PPP2R2C: variants seen among roughly 807,000 people sequenced by gnomAD.
The protein encoded by PPP2R2C is protein phosphatase 2 regulatory subunit Bgamma.
Under a neutral mutation model 45.3 loss-of-function variants are expected in PPP2R2C, and 10 were observed. That is an observed-to-expected ratio of 0.22 (90% CI 0.14 to 0.37). PPP2R2C has a LOEUF of 0.37. Ranked by LOEUF, PPP2R2C falls within the 10% of genes least tolerant of loss-of-function variation. The pLI, the probability that PPP2R2C is intolerant of heterozygous loss-of-function variation, is 1.00. For synonymous variants in PPP2R2C, 257 were observed against 245.4 expected (o/e 1.05, Z -0.44); for missense variants, 308 against 619.7 (o/e 0.50, Z 5.34).
At chr4:6,342,145 C>CAT (rs537083589) in intron 6 of PPP2R2C, among the ~76,000 whole-genome samples, 145 of 149,652 alleles carry the variant, frequency 9.7e-4, no homozygotes, top group South Asian at 5.1e-3. Flanking sequence ...TATATACATA[C>CAT]ATATATATAT....
intron 5 of PPP2R2C, among the ~76,000 whole-genome samples, chr4:6,363,239 G>C (rs887570538): frequency 3.3e-5 from 5 of 152,140 alleles, no homozygotes; most frequent in African/African-American, 1.2e-4. Flanking sequence ...CTCTCTTCTG[G>C]GGAGGGGAGA....
In PPP2R2C at chr4:6,345,154, C is replaced by T. The variant is rs1012352821; in HGVS notation, c.790+2692G>A. Among the ~76,000 whole-genome samples, 2 of 152,226 alleles carry T rather than the reference C, an allele frequency of 1.3e-5. No homozygotes were observed. Among genetic ancestry groups the T allele is most frequent in the African/African-American group, 4.8e-5 (2 of 41,454 alleles). On this transcript the variant is annotated intron_variant, in intron 6 of 8. Transcript: ENST00000382599. The surrounding 1 kb of genome is among the most constrained non-coding windows in gnomAD (Gnocchi z 5.3). Reference sequence around the variant, plus strand: ...AGGGTGCCAATGAAGCCCCATCCTCCTTCCCACAGGGCTCACACGGGGTCA... The same window carrying T: ...AGGGTGCCAATGAAGCCCCATCCTCTTTCCCACAGGGCTCACACGGGGTCA...
At chr4:6,512,280 G>A in intron 2 of PPP2R2C, among the ~76,000 whole-genome samples, 1 of 124,974 alleles carries the variant, frequency 8.0e-6, no homozygotes. Flanking sequence ...TGGTGGGGGT[G>A]GTGGTGATGG....
At position 6,345,727 on chromosome 4, in the gene PPP2R2C, G is replaced by A. The variant is rs544428548; in HGVS notation, c.790+2119C>T. On this transcript the variant is annotated intron_variant, in intron 6 of 8. Coordinates refer to ENST00000382599, the MANE Select transcript of PPP2R2C (RefSeq NM_020416.4). The surrounding 1 kb of genome is among the most constrained non-coding windows in gnomAD (Gnocchi z 5.3). ...GCCAGTGAGCTGGCTGTGGGACTGC[G>A]GACTGAGACTATACATATGCCCTGT... Among the ~76,000 whole-genome samples, 8 of 152,024 alleles carry A rather than the reference G, an allele frequency of 5.3e-5. No homozygotes were observed. The highest frequency in any genetic ancestry group is 9.7e-5 in the African/African-American group (4 of 41,362).
In PPP2R2C at chr4:6,349,438, C is replaced by G. The variant is rs1449152676; in HGVS notation, c.626-1428G>C. The G allele has an allele frequency of 4.1e-6, 4 of 982,160 alleles. No individual in the cohort carries two copies. The African/African-American group carries it at 7.0e-5, about 17-fold the overall frequency. 60.8% of individuals were successfully genotyped at this position (982,160 alleles called of 1,614,324 possible). ...AGAGGCAAAGCCCTTCACACACTGC[C>G]TGATGCGTTGCAGAGCTCAATGAAT... On this transcript the variant is annotated intron_variant, in intron 5 of 8. Transcript: ENST00000382599.
chr4:6,543,412 A>C (rs1349143581), intron 1 of PPP2R2C, among the ~76,000 whole-genome samples: 1 of 152,064 alleles, frequency 6.6e-6, no homozygotes, highest in Non-Finnish European at 1.5e-5. Flanking sequence ...AAAAAATGGC[A>C]ATGGTTAAAA....
rs79384701 is a variant in PPP2R2C, at chr4:6,512,653, A to ATGGTGGTGG, written c.49+22609_49+22617dup. On this transcript the variant is annotated intron_variant, in intron 2 of 9. Coordinates refer to the PPP2R2C transcript ENST00000506140. ...GATGGTGATGGTGGTGATGGTGCTG[A>ATGGTGGTGG]TGGTGGTGGTGGTGGTGGTGGTGGT... 3.3e-3 allele frequency among the ~76,000 whole-genome samples: 408 copies of ATGGTGGTGG among 123,808 alleles called. 4 individuals are homozygous for ATGGTGGTGG. Among genetic ancestry groups the ATGGTGGTGG allele is most frequent in the African/African-American group, 9.8e-3 (302 of 30,778 alleles). The allele number at this position is 123,808 out of a possible 152,430, so 81.2% of individuals were successfully genotyped here.
At chr4:6,488,810 T>C (rs1722608732) in intron 2 of PPP2R2C, among the ~76,000 whole-genome samples, 1 of 152,190 alleles carries the variant, frequency 6.6e-6, no homozygotes, top group African/African-American at 2.4e-5. Flanking sequence ...CTTTCCTGAG[T>C]TGTCTACCCA....
chr4:6,540,208 A>G lies in PPP2R2C; in HGVS notation c.-58-4831T>C, dbSNP rs181139259. ...CACCCCAAAAAGAAACCACATGTTC[A>G]TTAATGGTCATTCCCCAAGCCCCTA... is the stretch of plus-strand genomic sequence containing the variant. On this transcript the variant is annotated intron_variant, in intron 1 of 9. Coordinates refer to the PPP2R2C transcript ENST00000506140. Among the ~76,000 whole-genome samples, 616 of 152,330 alleles carry G rather than the reference A, an allele frequency of 4.0e-3. 4 individuals are homozygous for G. The highest frequency in any genetic ancestry group is 0.014 in the African/African-American group (581 of 41,578).
At chr4:6,455,790 G>C (rs555249336) in intron 1 of PPP2R2C, among the ~76,000 whole-genome samples, 1 of 152,082 alleles carries the variant, frequency 6.6e-6, no homozygotes, top group Non-Finnish European at 1.5e-5. Flanking sequence ...ACACCACGCC[G>C]TGCTGTGCCC....
chr4:6,508,250 G>A (rs1296916045), intron 2 of PPP2R2C, among the ~76,000 whole-genome samples: 1 of 152,192 alleles, frequency 6.6e-6, no homozygotes, highest in African/African-American at 2.4e-5. Context: ...ATAATAATTG[G>A]TTACAGCTGG....
At position 6,523,240 on chromosome 4, in the gene PPP2R2C, C is replaced by A. The variant is rs997456821; in HGVS notation, c.49+12031G>T. Among the ~76,000 whole-genome samples, 3 of 152,190 alleles carry A rather than the reference C, an allele frequency of 2.0e-5. No individual in the cohort carries two copies. The East Asian group carries it at 5.8e-4, about 29-fold the overall frequency. On this transcript the variant is annotated intron_variant, in intron 2 of 9. Coordinates refer to the PPP2R2C transcript ENST00000506140. The stretch of plus-strand genomic sequence containing the variant: ...AATAAAGGCCTTCCCTAGCCCCAAC[C>A]ACCAGCTCCCTTATGTTTGAAAGAA...
At chr4:6,414,458 C>T (rs567882074) in intron 1 of PPP2R2C, among the ~76,000 whole-genome samples, 26 of 152,038 alleles carry the variant, frequency 1.7e-4, no homozygotes, top group Non-Finnish European at 2.9e-4. Flanking sequence ...AGGAGGCTGG[C>T]GGGAGGAGCA....
At chr4:6,420,730 G>A (rs878282) in intron 1 of PPP2R2C, among the ~76,000 whole-genome samples, 137,953 of 152,210 alleles carry the variant, frequency 0.91, 63,724 homozygotes, top group East Asian at 1. Context: ...CTGATGCCCA[G>A]TAAGAGGACT....
rs1725637694 is a variant in PPP2R2C at position 6,563,156 on chromosome 4, AG to A, written c.-59+403del. On this transcript the variant is annotated intron_variant, in intron 1 of 9. Transcript: ENST00000506140. The surrounding 1 kb of genome is among the most constrained non-coding windows in gnomAD (Gnocchi z 5.8). ...CGCCCGCACCTTCAGCCGGGCAGCGAGGGGGGGCTCGAGCGCGCCGGTTCTC... is the reference window on the plus strand; with the variant it reads ...CGCCCGCACCTTCAGCCGGGCAGCGAGGGGGGCTCGAGCGCGCCGGTTCTC... Among the ~76,000 whole-genome samples, 2 of 151,846 alleles carry A rather than the reference AG, an allele frequency of 1.3e-5. No homozygotes were observed. Among genetic ancestry groups the A allele is most frequent in the Admixed American group, 6.5e-5 (1 of 15,274 alleles).
Position 6,329,115 on chromosome 4 carries a change from T to C in PPP2R2C, c.1052+147A>G. ...TGAGCGCTGAGAGTTGGACCTGCTCTGGAAAGCGTGGGCTTCACCCAGACA... is the reference window on the plus strand; with the variant it reads ...TGAGCGCTGAGAGTTGGACCTGCTCCGGAAAGCGTGGGCTTCACCCAGACA... On this transcript the variant is annotated intron_variant, in intron 8 of 8. Transcript: ENST00000382599. The surrounding 1 kb of genome is among the most constrained non-coding windows in gnomAD (Gnocchi z 5.8). 1.4e-6 allele frequency: 1 copy of C among 690,606 alleles called. No homozygotes were observed. The highest frequency in any genetic ancestry group is 2.7e-5 in the East Asian group (1 of 36,762). 42.8% of individuals were successfully genotyped at this position (690,606 alleles called of 1,614,324 possible).
intron 1 of PPP2R2C, among the ~76,000 whole-genome samples, chr4:6,392,158 T>G (rs1716688241): frequency 6.6e-6 from 1 of 152,210 alleles, no homozygotes; most frequent in Non-Finnish European, 1.5e-5. Flanking sequence ...TGAATATACT[T>G]AATGACATTG....
At chr4:6,525,468 C>A (rs1365704250) in intron 2 of PPP2R2C, among the ~76,000 whole-genome samples, 1 of 150,988 alleles carries the variant, frequency 6.6e-6, no homozygotes, top group Non-Finnish European at 1.5e-5. Flanking sequence ...CTAAATGGAC[C>A]CCCTCTTGGC....
chr4:6,405,504 C>G (rs989428391), intron 1 of PPP2R2C, among the ~76,000 whole-genome samples: 3 of 152,192 alleles, frequency 2.0e-5, no homozygotes, highest in African/African-American at 7.2e-5. Context: ...AGGAGGATTC[C>G]GAATTTAATT....
Sources: gnomAD v4.1 joint callset for allele counts (sites outside exome capture counted in the v4.1 genomes callset) on GRCh38, gnomAD v4.1.1 for gene constraint, Gnocchi (gnomAD v3.1) non-coding constraint, MANE v1.5 for transcripts, NCBI Gene and HGNC (gene_info 2026-07-23, HGNC 2026-07-21) for gene names.